DEAF1: variants seen among roughly 807,000 people sequenced by gnomAD.
The protein encoded by DEAF1 is DEAF1 transcription factor.
In DEAF1, 53 loss-of-function variants were observed where a neutral mutation model predicts 58.9. The observed-to-expected ratio is 0.90, with a 90% confidence interval of 0.72 to 1.13. DEAF1 has a LOEUF of 1.13. Ranked by LOEUF, DEAF1 falls within the 50% of genes most tolerant of loss-of-function variation. The probability of loss-of-function intolerance (pLI) is 0.00; values close to 1 mark genes in which losing one functional copy is unlikely to be tolerated. For missense variants in DEAF1, 685 were observed against 791.4 expected, an observed-to-expected ratio of 0.87 and a Z score of 1.61; for synonymous variants, 385 against 340.4, an observed-to-expected ratio of 1.13 and a Z score of -1.44.
chr11:676,774 G>A lies in DEAF1; in HGVS notation c.1255+1920C>T, dbSNP rs539539746. Among the ~76,000 whole-genome samples the A allele has an allele frequency of 2.1e-4, 32 of 152,290 alleles. 1 individual carries two copies. In the South Asian group the frequency reaches 6.6e-3, roughly 32 times the overall value. ...CCGCCTCGGCCTCCCAAAGCGCTGG[G>A]ATTACCGGCGTGAGCCACCACGCCC... On this transcript the variant is annotated intron_variant, in intron 9 of 11. Coordinates refer to ENST00000382409, the MANE Select transcript of DEAF1 (RefSeq NM_021008.4).
intron 1 of DEAF1, chr11:706,257 G>A (rs887943763): frequency 1.3e-5 from 2 of 152,050 alleles, no homozygotes; most frequent in African/African-American, 4.8e-5. Flanking sequence ...GAGCGCCGAG[G>A]GGACAGGCCG....
intron 1 of DEAF1, among the ~76,000 whole-genome samples, chr11:693,880 C>T (rs576742898): frequency 2.6e-5 from 4 of 152,316 alleles, no homozygotes; most frequent in African/African-American, 4.8e-5. Flanking sequence ...CGACAGGAAG[C>T]GGGGCAGGAG....
intron 1 of DEAF1, chr11:702,807 T>A (rs1307182433): frequency 2.5e-6 from 2 of 807,382 alleles, no homozygotes; most frequent in Non-Finnish European, 3.8e-6. Context: ...GGAGGCTGTT[T>A]CCCTGGAATT....
At chr11:698,112 T>C (rs1861281946), upstream of DEAF1, 1 of 152,204 alleles carries the variant, frequency 6.6e-6, no homozygotes, top group African/African-American at 2.4e-5. Context: ...TAGATGTGTA[T>C]TGAGGTATCT....
chr11:700,780 AATT>A (rs1233429451), intron 1 of DEAF1: 7 of 1,376,972 alleles, frequency 5.1e-6, no homozygotes, highest in Non-Finnish European at 6.2e-6. Context: ...TTTCAAGAGT[AATT>A]ATTTTATAGT....
At chr11:668,125 A>G (rs1339699039) in intron 10 of DEAF1, among the ~76,000 whole-genome samples, 2 of 152,182 alleles carry the variant, frequency 1.3e-5, no homozygotes, top group Non-Finnish European at 2.9e-5. Context: ...AAAAATATAT[A>G]TATGTAAGTG....
At chr11:705,675 T>A (rs1861680993) in intron 1 of DEAF1, among the ~76,000 whole-genome samples, 2 of 152,146 alleles carry the variant, frequency 1.3e-5, no homozygotes, top group Non-Finnish European at 2.9e-5. Context: ...CCTCTGCCCC[T>A]GGGCCTGCGG....
Position 694,990 on chromosome 11 carries a change from C to T in DEAF1, c.58G>A (p.Ala20Thr). The change falls in exon 1 of 12, where the codon GCG (alanine) becomes ACG (threonine). Residue 20 changes from alanine to threonine, a missense_variant. Transcript: ENST00000382409. The stretch of plus-strand genomic sequence containing the variant: ...GCCGCCGCCACAGCGGCCGCGGCCG[C>T]CACCGCCGCCGCCTCAGCCAGGCCC... ...QLGLAEAAAV[A>T]AAAAVAAAAA... 8.4e-7 allele frequency: 1 copy of T among 1,191,512 alleles called. No homozygotes were observed. The allele number at this position is 1,191,512 out of a possible 1,614,324, so 73.8% of individuals were successfully genotyped here.
chr11:681,789 A>C (rs1488778813), intron 6 of DEAF1, among the ~76,000 whole-genome samples: 1 of 151,828 alleles, frequency 6.6e-6, no homozygotes, highest in East Asian at 1.9e-4. Context: ...CTTCCATGCA[A>C]TCTCTAGCTG....
upstream of DEAF1, chr11:695,287 G>A (rs1477828992): frequency 4.3e-6 from 2 of 462,442 alleles, no homozygotes; most frequent in African/African-American, 2.1e-5. Context: ...GCACGAAGCC[G>A]CCGAGCCGAG....
intron 10 of DEAF1, among the ~76,000 whole-genome samples, chr11:657,139 TCA>T (rs754151260): frequency 6.6e-6 from 1 of 152,018 alleles, no homozygotes; most frequent in African/African-American, 2.4e-5. Flanking sequence ...CACCCAGGCC[TCA>T]CTCTCTAAGA....
At chr11:665,483 A>G (rs909584271) in intron 10 of DEAF1, among the ~76,000 whole-genome samples, 6 of 152,254 alleles carry the variant, frequency 3.9e-5, no homozygotes, top group African/African-American at 1.2e-4. Flanking sequence ...CGGGATGTTC[A>G]CTGCAACAGC....
intron 10 of DEAF1, among the ~76,000 whole-genome samples, chr11:655,538 C>T (rs1041851510): frequency 4.3e-5 from 3 of 69,668 alleles, no homozygotes; most frequent in African/African-American, 2.3e-4. Flanking sequence ...CCAGATCATC[C>T]GCAGCTGCGG....
upstream of DEAF1, chr11:698,894 C>G (rs1481228283): frequency 8.7e-6 from 14 of 1,613,996 alleles, no homozygotes; most frequent in Non-Finnish European, 1.2e-5. Context: ...CAGTGGTATC[C>G]TGCTGCGTGC....
At chr11:681,161 A>T in intron 6 of DEAF1, 72 bp from the exon 7 acceptor site, 1 of 1,605,902 alleles carries the variant, frequency 6.2e-7, no homozygotes, top group Non-Finnish European at 8.5e-7. Flanking sequence ...ACTCCTCCTT[A>T]AGTGGGGGCA....
At chr11:654,653 T>A (rs1440949755) in intron 10 of DEAF1, 1 of 454,890 alleles carries the variant, frequency 2.2e-6, no homozygotes, top group South Asian at 1.5e-5. Flanking sequence ...GGCGGGTGGA[T>A]CACCTGAGGT....
At chr11:704,407 G>A in intron 1 of DEAF1, 1 of 1,265,286 alleles carries the variant, frequency 7.9e-7, no homozygotes, top group Non-Finnish European at 1.0e-6. Context: ...CAGTTGTCCT[G>A]GGCCGACTTC....
intron 1 of DEAF1, chr11:694,528 GA>G (rs1861008438): frequency 2.7e-6 from 1 of 375,624 alleles, no homozygotes; most frequent in East Asian, 4.1e-5. Context: ...AGGCAGATGT[GA>G]GGGGTGAGCT....
At chr11:691,117 T>C (rs919676294) in intron 2 of DEAF1, among the ~76,000 whole-genome samples, 1 of 152,140 alleles carries the variant, frequency 6.6e-6, no homozygotes, top group African/African-American at 2.4e-5. Context: ...GAACAGGATA[T>C]GGGGGAGGGA....
Sources: gnomAD v4.1 joint callset for allele counts (sites outside exome capture counted in the v4.1 genomes callset) on GRCh38, gnomAD v4.1.1 for gene constraint, MANE v1.5 for transcripts, NCBI Gene and HGNC (gene_info 2026-07-23, HGNC 2026-07-21) for gene names.